Variants in CDH13 observed in about 807,000 individuals in gnomAD.
CDH13 encodes the protein cadherin 13, also known as cadherin-13.
In CDH13, 24 loss-of-function variants were observed where a neutral mutation model predicts 63.8. The ratio of observed to expected loss-of-function variants is 0.38; its 90% CI spans 0.27 to 0.53. CDH13 has a LOEUF of 0.53. Among genes scored for constraint, CDH13 ranks in the 20% least tolerant of loss-of-function variants. The probability of loss-of-function intolerance (pLI) is 0.85; values close to 1 mark genes in which losing one functional copy is unlikely to be tolerated. For missense variants in CDH13, 1,049 were observed against 903.1 expected (o/e 1.16, Z -2.07); for synonymous variants, 503 against 355.3 (o/e 1.42, Z -4.67).
intron 1 of CDH13, among the ~76,000 whole-genome samples, chr16:82,793,924 G>A (rs1320880157): frequency 1.3e-5 from 2 of 152,132 alleles, no homozygotes; most frequent in African/African-American, 2.4e-5. Flanking sequence ...AAGTAAGTGA[G>A]ACAGTGGATC....
intron 8 of CDH13, among the ~76,000 whole-genome samples, chr16:83,630,228 C>T (rs971479541): frequency 1.3e-5 from 2 of 152,158 alleles, no homozygotes; most frequent in African/African-American, 4.8e-5. Context: ...ATAAGTGGAC[C>T]TGCTTTGTAA....
chr16:83,795,484 G>A lies in CDH13; in HGVS notation c.*454G>A. 6.2e-6 allele frequency: 1 copy of A among 160,962 alleles called. No individual in the cohort carries two copies. The highest frequency in any genetic ancestry group is 1.4e-5 in the Non-Finnish European group (1 of 73,382). The allele number at this position is 160,962 out of a possible 1,614,324, so 10.0% of individuals were successfully genotyped here. On this transcript the variant is annotated 3_prime_UTR_variant, in exon 14 of 14. Coordinates refer to ENST00000567109, the MANE Select transcript of CDH13 (RefSeq NM_001257.5). ...ATGCCATTCTTCCTTGCAAGGTTAA[G>A]CAAGGTGGGTGGAAACTAAGACACC...
chr16:82,636,063 T>A (rs1260350081), intron 1 of CDH13, among the ~76,000 whole-genome samples: 1 of 152,126 alleles, frequency 6.6e-6, no homozygotes, highest in African/African-American at 2.4e-5. Flanking sequence ...TCCCAGGCAG[T>A]TCTTTATAGC....
At chr16:82,753,796 A>G (rs941109669) in intron 1 of CDH13, among the ~76,000 whole-genome samples, 3 of 152,148 alleles carry the variant, frequency 2.0e-5, no homozygotes, top group African/African-American at 7.2e-5. Flanking sequence ...CTGTGGGTCC[A>G]CCTCAGAAGC....
chr16:83,479,197 AC>A (rs1334503690), intron 6 of CDH13, among the ~76,000 whole-genome samples: 1 of 151,990 alleles, frequency 6.6e-6, no homozygotes, highest in African/African-American at 2.4e-5. Flanking sequence ...TTGTTTCCTA[AC>A]AAGATTTTAA....
chr16:83,397,239 G>T (rs1185988446), intron 6 of CDH13: 1 of 152,030 alleles, frequency 6.6e-6, no homozygotes, highest in African/African-American at 2.4e-5. Flanking sequence ...GATTATGAGG[G>T]GATACACCCT....
intron 5 of CDH13, among the ~76,000 whole-genome samples, chr16:83,296,382 G>A (rs1377946500): frequency 1.3e-5 from 2 of 152,176 alleles, no homozygotes; most frequent in African/African-American, 4.8e-5. Context: ...GGACAATTAA[G>A]TACCAAGAAA....
chr16:82,680,005 G>A (rs1022591722), intron 1 of CDH13, among the ~76,000 whole-genome samples: 1 of 152,114 alleles, frequency 6.6e-6, no homozygotes, highest in Non-Finnish European at 1.5e-5. Context: ...CATAACACAC[G>A]GGTCTTCTTT....
chr16:82,920,706 C>G (rs185122230), intron 2 of CDH13, among the ~76,000 whole-genome samples: 1 of 152,170 alleles, frequency 6.6e-6, no homozygotes, highest in South Asian at 2.1e-4. Context: ...CACACACTCT[C>G]TTTTTTCCCC....
At chr16:83,111,760 C>A (rs2035067856) in intron 3 of CDH13, among the ~76,000 whole-genome samples, 1 of 152,168 alleles carries the variant, frequency 6.6e-6, no homozygotes, top group Non-Finnish European at 1.5e-5. Context: ...AACTTGGCTT[C>A]AACAAGAATT....
chr16:83,332,648 C>A (rs751190997), intron 5 of CDH13, among the ~76,000 whole-genome samples: 38 of 152,112 alleles, frequency 2.5e-4, no homozygotes, highest in Admixed American at 2.0e-3. Flanking sequence ...CTTAATAGAT[C>A]TGGCATAATT....
At chr16:83,574,886 A>C (rs1904965546) in intron 7 of CDH13, among the ~76,000 whole-genome samples, 1 of 152,208 alleles carries the variant, frequency 6.6e-6, no homozygotes. Flanking sequence ...TTCTAAAGGG[A>C]ACAATGTGAA....
intron 1 of CDH13, among the ~76,000 whole-genome samples, chr16:82,751,936 G>A (rs752184744): frequency 2.0e-5 from 3 of 152,258 alleles, no homozygotes; most frequent in East Asian, 1.9e-4. Context: ...CTTAACTGAC[G>A]AATTTATCGG....
At chr16:83,392,246 CT>C (rs1175985957) in intron 6 of CDH13, among the ~76,000 whole-genome samples, 1 of 152,222 alleles carries the variant, frequency 6.6e-6, no homozygotes, top group Non-Finnish European at 1.5e-5. Context: ...GTTTCCTCAT[CT>C]GTGATATGGG....
intron 1 of CDH13, among the ~76,000 whole-genome samples, chr16:82,751,960 C>G (rs2034435623): frequency 6.6e-6 from 1 of 152,180 alleles, no homozygotes; most frequent in Non-Finnish European, 1.5e-5. Context: ...TATCTGTCTT[C>G]CAGAAACATA....
chr16:83,201,302 A>G (rs2039022198), intron 4 of CDH13, among the ~76,000 whole-genome samples: 1 of 152,216 alleles, frequency 6.6e-6, no homozygotes, highest in South Asian at 2.1e-4. Context: ...AATGGTAAAT[A>G]GAGACAACAG....
At chr16:83,132,601 GC>G in intron 4 of CDH13, among the ~76,000 whole-genome samples, 1 of 151,698 alleles carries the variant, frequency 6.6e-6, no homozygotes, top group South Asian at 2.1e-4. Context: ...ATGCCACCAC[GC>G]CCAGCTAATT....
intron 7 of CDH13, among the ~76,000 whole-genome samples, chr16:83,545,843 C>G (rs1038560990): frequency 6.6e-6 from 1 of 152,144 alleles, no homozygotes; most frequent in Non-Finnish European, 1.5e-5. Context: ...CTCAGCTTCC[C>G]CATGGAGAAT....
chr16:82,822,070 G>C (rs2038029853), intron 1 of CDH13, among the ~76,000 whole-genome samples: 1 of 152,210 alleles, frequency 6.6e-6, no homozygotes, highest in South Asian at 2.1e-4. Flanking sequence ...CAAGGACTTT[G>C]TGTGAATTAA....
Sources: gnomAD v4.1 joint callset for allele counts (sites outside exome capture counted in the v4.1 genomes callset) on GRCh38, gnomAD v4.1.1 for gene constraint, MANE v1.5 for transcripts, NCBI Gene and HGNC (gene_info 2026-07-23, HGNC 2026-07-21) for gene names.